The following PSMA1 variants were observed in gnomAD, a reference collection of about 807,000 sequenced individuals.
PSMA1 encodes proteasome subunit alpha type-1.
A neutral mutation model predicts 38.4 loss-of-function variants in PSMA1; 3 were observed. That is an observed-to-expected ratio of 0.08 (90% CI 0.04 to 0.20). The LOEUF (loss-of-function observed/expected upper bound fraction) is 0.20. Ranked by LOEUF, PSMA1 falls within the 10% of genes least tolerant of loss-of-function variation. The probability of loss-of-function intolerance (pLI) is 1.00; values close to 1 mark genes in which losing one functional copy is unlikely to be tolerated. For missense variants in PSMA1, 227 were observed against 325.3 expected, an observed-to-expected ratio of 0.70 and a Z score of 2.32; for synonymous variants, 101 against 107.1, an observed-to-expected ratio of 0.94 and a Z score of 0.35.
chr11:14,535,530 G>T (rs1375875610), intron 2 of PSMA1, among the ~76,000 whole-genome samples: 4 of 148,950 alleles, frequency 2.7e-5, no homozygotes, highest in African/African-American at 5.0e-5. Context: ...TGCAACCTCC[G>T]CCTCCAGGGT....
At chr11:14,572,307 A>T (rs1852153721) in intron 2 of PSMA1, among the ~76,000 whole-genome samples, 1 of 152,230 alleles carries the variant, frequency 6.6e-6, no homozygotes, top group Admixed American at 6.5e-5. Flanking sequence ...AAATTTTAAG[A>T]AACTGTCTCT....
intron 2 of PSMA1, among the ~76,000 whole-genome samples, chr11:14,573,069 C>G (rs1181994412): frequency 2.0e-5 from 3 of 152,076 alleles, no homozygotes; most frequent in Non-Finnish European, 4.4e-5. Flanking sequence ...GATTCACAGC[C>G]GAATTCTACC....
At chr11:14,543,323 C>G (rs947940977) in intron 2 of PSMA1, among the ~76,000 whole-genome samples, 1 of 152,174 alleles carries the variant, frequency 6.6e-6, no homozygotes, top group Non-Finnish European at 1.5e-5. Flanking sequence ...CATAGCAAGA[C>G]ACAGTTTCTT....
chr11:14,559,115 G>A (rs1284352574), intron 2 of PSMA1, among the ~76,000 whole-genome samples: 1 of 152,130 alleles, frequency 6.6e-6, no homozygotes, highest in Non-Finnish European at 1.5e-5. Flanking sequence ...AGATGACTCA[G>A]AGTTAGTGAG....
At chr11:14,569,298 C>T (rs760909992) in intron 2 of PSMA1, among the ~76,000 whole-genome samples, 12 of 152,084 alleles carry the variant, frequency 7.9e-5, no homozygotes, top group Non-Finnish European at 1.0e-4. Flanking sequence ...CCAGCATGAG[C>T]GACGCAGAAG....
intron 1 of PSMA1, among the ~76,000 whole-genome samples, chr11:14,613,598 C>G (rs1852734898): frequency 6.6e-6 from 1 of 152,122 alleles, no homozygotes; most frequent in South Asian, 2.1e-4. Context: ...GTATTAAGGA[C>G]AGACTTCCAT....
At chr11:14,567,316 C>T (rs1852083570) in intron 2 of PSMA1, among the ~76,000 whole-genome samples, 1 of 152,188 alleles carries the variant, frequency 6.6e-6, no homozygotes, top group African/African-American at 2.4e-5. Flanking sequence ...TTGGTCTATG[C>T]TCCCAGGATA....
chr11:14,626,460 A>G (rs1852912698), intron 1 of PSMA1, among the ~76,000 whole-genome samples: 1 of 152,188 alleles, frequency 6.6e-6, no homozygotes, highest in South Asian at 2.1e-4. Context: ...AAGTAAAGGT[A>G]TTTACTCTCT....
intron 2 of PSMA1, among the ~76,000 whole-genome samples, chr11:14,562,223 T>A (rs1194559273): frequency 6.6e-6 from 1 of 152,214 alleles, no homozygotes; most frequent in Non-Finnish European, 1.5e-5. Context: ...TCTTGAGATA[T>A]GAAGAGAGTT....
At chr11:14,630,090 T>G (rs908889695) in intron 1 of PSMA1, among the ~76,000 whole-genome samples, 4 of 152,170 alleles carry the variant, frequency 2.6e-5, no homozygotes, top group Non-Finnish European at 5.9e-5. Context: ...TTTCTAGATA[T>G]ACAATCATGT....
intron 1 of PSMA1, among the ~76,000 whole-genome samples, chr11:14,635,195 A>C (rs1431726786): frequency 1.3e-5 from 2 of 152,190 alleles, no homozygotes; most frequent in Non-Finnish European, 2.9e-5. Context: ...ATAGCCATGA[A>C]GTTTACTGGT....
At chr11:14,610,698 A>T (rs976403889) in intron 2 of PSMA1, among the ~76,000 whole-genome samples, 1 of 152,146 alleles carries the variant, frequency 6.6e-6, no homozygotes, top group Non-Finnish European at 1.5e-5. Flanking sequence ...AGAAAGGTTC[A>T]TCTGATTTTA....
chr11:14,598,831 T>C (rs1162690259), intron 2 of PSMA1, among the ~76,000 whole-genome samples: 1 of 151,988 alleles, frequency 6.6e-6, no homozygotes, highest in African/African-American at 2.4e-5. Context: ...AGTTTATTCC[T>C]AGCATTGATG....
chr11:14,643,396 T>C, intron 1 of PSMA1: 2 of 140,424 alleles, frequency 1.4e-5, no homozygotes, highest in Non-Finnish European at 3.1e-5. Flanking sequence ...ACAAACGCCC[T>C]CTTTCCCGAA....
At chr11:14,515,054 T>C (rs747336675) in intron 4 of PSMA1, among the ~76,000 whole-genome samples, 13 of 152,290 alleles carry the variant, frequency 8.5e-5, no homozygotes, top group South Asian at 4.1e-4. Flanking sequence ...AAGGTTAACA[T>C]TGGGGAGAAG....
intron 2 of PSMA1, among the ~76,000 whole-genome samples, chr11:14,553,366 TGC>T (rs1311903929): frequency 6.6e-6 from 1 of 152,134 alleles, no homozygotes; most frequent in Non-Finnish European, 1.5e-5. Context: ...TGTAGTTCTA[TGC>T]AATTTCATCA....
chr11:14,600,385 C>T (rs1284895045), intron 2 of PSMA1, among the ~76,000 whole-genome samples: 1 of 152,214 alleles, frequency 6.6e-6, no homozygotes, highest in East Asian at 1.9e-4. Flanking sequence ...CCTTGTTAAG[C>T]TGTTGTGGGC....
chr11:14,569,840 T>C (rs1291173006), intron 2 of PSMA1, among the ~76,000 whole-genome samples: 1 of 152,238 alleles, frequency 6.6e-6, no homozygotes, highest in Admixed American at 6.5e-5. Context: ...CATCCCTGTC[T>C]GACAGCTTTG....
chr11:14,565,544 T>A (rs1230122259), intron 2 of PSMA1, among the ~76,000 whole-genome samples: 5 of 152,222 alleles, frequency 3.3e-5, no homozygotes, highest in Non-Finnish European at 7.3e-5. Flanking sequence ...AGAGACATTT[T>A]ATATTGCATA....
Sources: allele counts gnomAD v4.1 joint callset (sites outside exome capture counted in the v4.1 genomes callset), GRCh38; gene constraint gnomAD v4.1.1; transcripts MANE v1.5; gene names NCBI Gene and HGNC (gene_info 2026-07-23, HGNC 2026-07-21).